GRM1: variants seen among roughly 807,000 people sequenced by gnomAD.
The protein encoded by GRM1 is glutamate metabotropic receptor 1.
Under a neutral mutation model 90.9 loss-of-function variants are expected in GRM1, and 33 were observed. The observed-to-expected ratio is 0.36, with a 90% CI of 0.28 to 0.49. The LOEUF is 0.49. GRM1 is among the 20% of genes least tolerant of loss of function. The pLI is 0.99. For missense variants in GRM1, 1,190 were observed against 1,534.3 expected (o/e 0.78, Z 3.75); for synonymous variants, 700 against 613.2 (o/e 1.14, Z -2.09).
chr6:146,131,580 T>C (rs186617922), intron 1 of GRM1, among the ~76,000 whole-genome samples: 2 of 152,186 alleles, frequency 1.3e-5, no homozygotes, highest in East Asian at 3.9e-4. Context: ...AGAAGGGCAG[T>C]GATACCTCCA....
In GRM1 at chr6:146,396,506, C is replaced by G. The variant is rs192625067; in HGVS notation, c.1730-2263C>G. Among the ~76,000 whole-genome samples, 47 of 152,268 alleles carry G rather than the reference C, an allele frequency of 3.1e-4. 1 individual carries two copies. The highest frequency in any genetic ancestry group is 2.7e-3 in the Admixed American group (41 of 15,300). On this transcript the variant is annotated intron_variant, in intron 6 of 7. Transcript: ENST00000282753. ...TCCAAACATTAGCACTCAGGGCCAG[C>G]TTGGATTGGACACTTCTTAGGCTTA...
At chr6:146,225,793 T>G (rs1261244282) in intron 2 of GRM1, among the ~76,000 whole-genome samples, 1 of 152,062 alleles carries the variant, frequency 6.6e-6, no homozygotes, top group Non-Finnish European at 1.5e-5. Context: ...TAATAGAAAT[T>G]TTATGTAATT....
At chr6:146,179,864 TA>T (rs2114540563) in intron 2 of GRM1, among the ~76,000 whole-genome samples, 1 of 152,052 alleles carries the variant, frequency 6.6e-6, no homozygotes, top group South Asian at 2.1e-4. Context: ...CTTCATCTTT[TA>T]AGAGTTTGAA....
At chr6:146,322,223 G>A (rs1465560732) in intron 3 of GRM1, among the ~76,000 whole-genome samples, 2 of 152,214 alleles carry the variant, frequency 1.3e-5, no homozygotes, top group Non-Finnish European at 2.9e-5. Context: ...GGTATTACCA[G>A]CAGAGGCTGC....
chr6:146,045,638 C>T (rs149762296), intron 1 of GRM1, among the ~76,000 whole-genome samples: 5 of 149,038 alleles, frequency 3.4e-5, no homozygotes, highest in South Asian at 4.2e-4. Context: ...ACAAGATGAT[C>T]GATTATTTAT....
At chr6:146,089,957 T>C (rs1396983112) in intron 1 of GRM1, among the ~76,000 whole-genome samples, 2 of 152,094 alleles carry the variant, frequency 1.3e-5, no homozygotes, top group African/African-American at 2.4e-5. Context: ...ATGTTTCTCC[T>C]CTATTTTTTA....
rs112800619 is a variant in GRM1, at chr6:146,426,177, C to T, written c.2661-7695C>T. ...TAAAAGTCACAGTGTCAGACATAAA[C>T]TCATGCACTTCCTTTAGGAGTAGAG... On this transcript the variant is annotated intron_variant, in intron 7 of 7. Coordinates refer to ENST00000282753, the MANE Select transcript of GRM1 (RefSeq NM_001278064.2). Among the ~76,000 whole-genome samples the T allele has an allele frequency of 1.9e-4, 25 of 133,478 alleles. 1 individual carries two copies. Among genetic ancestry groups the T allele is most frequent in the African/African-American group, 6.2e-4 (22 of 35,502 alleles). 87.6% of individuals were successfully genotyped at this position (133,478 alleles called of 152,430 possible). A position where few individuals can be genotyped will look rare whatever the true frequency, so the allele number is the denominator to read the frequency against.
intron 1 of GRM1, among the ~76,000 whole-genome samples, chr6:146,159,141 T>C (rs889001832): frequency 1.3e-5 from 2 of 152,218 alleles, no homozygotes; most frequent in African/African-American, 2.4e-5. Context: ...TCAGATCGTC[T>C]CTCGTTATTT....
chr6:146,086,622 T>G (rs150651647), intron 1 of GRM1, among the ~76,000 whole-genome samples: 1 of 152,080 alleles, frequency 6.6e-6, no homozygotes, highest in Non-Finnish European at 1.5e-5. Flanking sequence ...TCTGGGGGTG[T>G]GATGTCTCTC....
At chr6:146,416,392 A>G (rs1777784801) in intron 7 of GRM1, among the ~76,000 whole-genome samples, 1 of 151,776 alleles carries the variant, frequency 6.6e-6, no homozygotes, top group African/African-American at 2.4e-5. Context: ...ACATTCTTTT[A>G]TTATTTTTTA....
intron 3 of GRM1, among the ~76,000 whole-genome samples, chr6:146,306,206 A>G (rs1025563284): frequency 6.6e-6 from 1 of 152,182 alleles, no homozygotes; most frequent in African/African-American, 2.4e-5. Flanking sequence ...TTGCTAAACA[A>G]TAACCCACCT....
At chr6:146,396,459 T>C (rs540032645) in intron 6 of GRM1, among the ~76,000 whole-genome samples, 1 of 152,194 alleles carries the variant, frequency 6.6e-6, no homozygotes, top group South Asian at 2.1e-4. Context: ...TTTTGGCAAA[T>C]TGGTTATCAA....
intron 2 of GRM1, among the ~76,000 whole-genome samples, chr6:146,255,463 C>T (rs1020112206): frequency 1.2e-4 from 18 of 152,184 alleles, no homozygotes; most frequent in African/African-American, 4.3e-4. Context: ...TCTCTTCAAA[C>T]CTTTAGTGCT....
At chr6:146,161,299 C>T (rs532085590) in intron 2 of GRM1, among the ~76,000 whole-genome samples, 3 of 152,258 alleles carry the variant, frequency 2.0e-5, no homozygotes, top group Non-Finnish European at 1.5e-5. Context: ...ATATAGACTA[C>T]CTAATTATGA....
At chr6:146,051,128 C>A (rs957693572) in intron 1 of GRM1, among the ~76,000 whole-genome samples, 2 of 152,136 alleles carry the variant, frequency 1.3e-5, no homozygotes, top group Non-Finnish European at 2.9e-5. Flanking sequence ...TGCTTTCTTA[C>A]CCTATCTTAG....
chr6:146,322,664 C>G (rs1169326964), intron 3 of GRM1, among the ~76,000 whole-genome samples: 1 of 151,482 alleles, frequency 6.6e-6, no homozygotes, highest in Non-Finnish European at 1.5e-5. Context: ...AGGTTTGTTA[C>G]ATATGTATAC....
rs1166008558 is a variant in GRM1, at chr6:146,312,349, C to CAAAAAAAA, written c.1186+7526_1186+7533dup. Among the ~76,000 whole-genome samples the CAAAAAAAA allele has an allele frequency of 3.1e-3, 66 of 21,336 alleles. 5 individuals are homozygous for CAAAAAAAA. The highest frequency in any genetic ancestry group is 7.7e-3 in the East Asian group (4 of 522). 14.0% of individuals were successfully genotyped at this position (21,336 alleles called of 152,430 possible). On this transcript the variant is annotated intron_variant, in intron 3 of 7. Transcript: ENST00000282753. ...GAGCCTGGGTGAAAGAACTCCGTCT[C>CAAAAAAAA]AAAAAAAAAAAAAAAAAAAAAAAAA...
chr6:146,060,557 A>G (rs2128853606), intron 1 of GRM1, among the ~76,000 whole-genome samples: 1 of 152,248 alleles, frequency 6.6e-6, no homozygotes, highest in East Asian at 1.9e-4. Context: ...AGCTCCATCT[A>G]CATTGCTGCA....
chr6:146,029,189 T>G lies in GRM1; in HGVS notation c.-329T>G. ...AAGGTTGTGATTTTTCTCTGTCTTT[T>G]GTCAGCAGCATCTAGCTCACCGCTG... On this transcript the variant is annotated 5_prime_UTR_variant, in exon 1 of 8. Transcript: ENST00000282753. The G allele has an allele frequency of 2.4e-6, 1 of 409,236 alleles. No individual in the cohort carries two copies. The allele number at this position is 409,236 out of a possible 1,614,324, so 25.4% of individuals were successfully genotyped here. A position where few individuals can be genotyped will look rare whatever the true frequency, so the allele number is the denominator to read the frequency against.
Sources: allele counts gnomAD v4.1 joint callset (sites outside exome capture counted in the v4.1 genomes callset), GRCh38; gene constraint gnomAD v4.1.1; transcripts MANE v1.5; gene names NCBI Gene and HGNC (gene_info 2026-07-23, HGNC 2026-07-21).